The following SLC25A21 variants were observed in gnomAD, a reference collection of about 807,000 sequenced individuals.
The protein encoded by SLC25A21 is solute carrier family 25 member 21, also known as mitochondrial 2-oxodicarboxylate carrier.
In SLC25A21, 47 loss-of-function variants were observed where a neutral mutation model predicts 43.8. That is an observed-to-expected ratio of 1.07 (90% CI 0.85 to 1.37). SLC25A21 has a LOEUF of 1.37. Among genes scored for constraint, SLC25A21 ranks in the 40% most tolerant of loss-of-function variants. The pLI is 0.00. For synonymous variants in SLC25A21, 131 were observed against 121.3 expected, an observed-to-expected ratio of 1.08 and a Z score of -0.52; for missense variants, 352 against 350.2, an observed-to-expected ratio of 1.00 and a Z score of -0.04.
intron 1 of SLC25A21, among the ~76,000 whole-genome samples, chr14:37,126,457 AT>A (rs1344219986): frequency 6.6e-6 from 1 of 151,720 alleles, no homozygotes; most frequent in African/African-American, 2.4e-5. Context: ...TACATATAAT[AT>A]TTATCCTTTA....
chr14:36,882,987 T>C, intron 1 of SLC25A21, among the ~76,000 whole-genome samples: 1 of 152,114 alleles, frequency 6.6e-6, no homozygotes, highest in East Asian at 1.9e-4. Flanking sequence ...CTTCTCCTAC[T>C]CTGGTCCAAG....
At chr14:36,741,761 A>C (rs1482174242) in intron 3 of SLC25A21, among the ~76,000 whole-genome samples, 1 of 152,242 alleles carries the variant, frequency 6.6e-6, no homozygotes, top group Non-Finnish European at 1.5e-5. Flanking sequence ...GGCATTCAGT[A>C]AGCATCCAGA....
intron 1 of SLC25A21, among the ~76,000 whole-genome samples, chr14:36,938,406 TTGTGCATTAATTAGGGCAAAGTTC>T (rs1359398536): frequency 6.6e-6 from 1 of 152,106 alleles, no homozygotes; most frequent in African/African-American, 2.4e-5. Context: ...AAAGACCACC[TTGTGCATTAATTAGGGCAAAGTTC>T]TGTTTGAGAC....
At chr14:37,061,972 T>G (rs1961957114) in intron 1 of SLC25A21, among the ~76,000 whole-genome samples, 1 of 152,096 alleles carries the variant, frequency 6.6e-6, no homozygotes, top group African/African-American at 2.4e-5. Flanking sequence ...CAGGGCACTG[T>G]AAGGGCTGGC....
chr14:36,910,251 G>A (rs1049182825), intron 1 of SLC25A21, among the ~76,000 whole-genome samples: 14 of 152,172 alleles, frequency 9.2e-5, no homozygotes, highest in African/African-American at 2.4e-4. Flanking sequence ...AACTGATCCT[G>A]CATTGGGTCG....
intron 1 of SLC25A21, among the ~76,000 whole-genome samples, chr14:37,116,919 C>G (rs1372551099): frequency 1.3e-5 from 2 of 152,118 alleles, no homozygotes; most frequent in Non-Finnish European, 1.5e-5. Context: ...GGCAGGACAG[C>G]TTTTCAAAAC....
chr14:36,992,603 T>C (rs762768091), intron 1 of SLC25A21, among the ~76,000 whole-genome samples: 5 of 152,172 alleles, frequency 3.3e-5, no homozygotes, highest in Non-Finnish European at 5.9e-5. Context: ...TGATTATTTG[T>C]TAGCATGCAG....
intron 6 of SLC25A21, among the ~76,000 whole-genome samples, chr14:36,713,474 C>T (rs1369526419): frequency 6.6e-6 from 1 of 151,990 alleles, no homozygotes; most frequent in East Asian, 1.9e-4. Context: ...TGTAATGCAT[C>T]ATTTTAAACT....
chr14:36,802,608 C>T (rs886917356), intron 3 of SLC25A21, among the ~76,000 whole-genome samples: 11 of 151,970 alleles, frequency 7.2e-5, no homozygotes, highest in Non-Finnish European at 1.2e-4. Context: ...CTCTTTGAAC[C>T]CCAAGGTAAG....
chr14:36,790,856 G>A (rs1172327163), intron 3 of SLC25A21, among the ~76,000 whole-genome samples: 2 of 151,990 alleles, frequency 1.3e-5, no homozygotes, highest in Non-Finnish European at 2.9e-5. Flanking sequence ...CTGTTGTACT[G>A]GAAAAAAGGG....
At chr14:36,885,655 T>C (rs556047113) in intron 1 of SLC25A21, among the ~76,000 whole-genome samples, 1 of 152,206 alleles carries the variant, frequency 6.6e-6, no homozygotes, top group African/African-American at 2.4e-5. Context: ...AGGAAGTAAG[T>C]GTACTGATAA....
intron 3 of SLC25A21, among the ~76,000 whole-genome samples, chr14:36,770,729 G>A (rs1322141828): frequency 6.6e-6 from 1 of 152,034 alleles, no homozygotes; most frequent in African/African-American, 2.4e-5. Flanking sequence ...CTTGACTTAT[G>A]TCTTTCTTAC....
intron 1 of SLC25A21, among the ~76,000 whole-genome samples, chr14:37,119,134 C>T (rs1454982451): frequency 1.3e-5 from 2 of 152,260 alleles, no homozygotes; most frequent in Non-Finnish European, 2.9e-5. Context: ...TTTACAAATG[C>T]CATGGCAACA....
At position 36,779,259 on chromosome 14, in the gene SLC25A21, A is replaced by C. The variant is rs1338720011; in HGVS notation, c.203+34659T>G. Among the ~76,000 whole-genome samples, 5 of 146,300 alleles carry C rather than the reference A, an allele frequency of 3.4e-5. No homozygotes were observed. In the East Asian group the frequency reaches 5.9e-4, roughly 17 times the overall value. ...AGATATAGATAATATAATATATAAT[A>C]TATAAGAATATATAAGAATTCTTAT... is the stretch of plus-strand genomic sequence containing the variant. On this transcript the variant is annotated intron_variant, in intron 3 of 9. Transcript: ENST00000331299.
At chr14:37,138,188 A>G (rs115716434) in intron 1 of SLC25A21, among the ~76,000 whole-genome samples, 119 of 152,280 alleles carry the variant, frequency 7.8e-4, no homozygotes, top group African/African-American at 2.5e-3. Flanking sequence ...TTAAAAAGCA[A>G]CTCAAGAAAT....
chr14:36,709,068 C>T lies in SLC25A21; in HGVS notation c.603+2250G>A, dbSNP rs543139250. ...TGTTGCCCAGGCTGGAGTGCAATGG[C>T]GCCAGCTCGGCTCACTGCAGCCTCC... On this transcript the variant is annotated intron_variant, in intron 7 of 9. Coordinates refer to ENST00000331299, the MANE Select transcript of SLC25A21 (RefSeq NM_030631.4). Among the ~76,000 whole-genome samples, 21 of 151,674 alleles carry T rather than the reference C, an allele frequency of 1.4e-4. No homozygotes were observed. The South Asian group carries it at 2.1e-3, about 15-fold the overall frequency.
At position 36,814,418 on chromosome 14, in the gene SLC25A21, T is replaced by C. The variant is rs1888380721; in HGVS notation, c.120-417A>G. Among the ~76,000 whole-genome samples, 2 of 152,098 alleles carry C rather than the reference T, an allele frequency of 1.3e-5. 1 individual carries two copies. Among genetic ancestry groups the C allele is most frequent in the South Asian group, 4.1e-4 (2 of 4,828 alleles). ...GGCAATTTAGTATGAAGGTTAAAAA[T>C]ACAGAGTAGCCTGACTAATATTCAG... is the stretch of plus-strand genomic sequence containing the variant. On this transcript the variant is annotated intron_variant, in intron 2 of 9. Transcript: ENST00000331299.
At chr14:37,023,342 A>C (rs894624092) in intron 1 of SLC25A21, among the ~76,000 whole-genome samples, 5 of 152,030 alleles carry the variant, frequency 3.3e-5, no homozygotes, top group African/African-American at 1.2e-4. Context: ...CTTAGGGCAC[A>C]ATTGGACACC....
At chr14:36,837,661 G>A (rs1889254334) in intron 2 of SLC25A21, among the ~76,000 whole-genome samples, 4 of 152,100 alleles carry the variant, frequency 2.6e-5, no homozygotes, top group Admixed American at 1.3e-4. Flanking sequence ...GGCTGACCTA[G>A]GCTGGGATTG....
Sources: allele counts gnomAD v4.1 joint callset (sites outside exome capture counted in the v4.1 genomes callset), GRCh38; gene constraint gnomAD v4.1.1; transcripts MANE v1.5; gene names NCBI Gene and HGNC (gene_info 2026-07-23, HGNC 2026-07-21).